CADM2: variants seen among roughly 807,000 people sequenced by gnomAD.
CADM2 encodes cell adhesion molecule 2.
In CADM2, 12 loss-of-function variants were observed where a neutral mutation model predicts 49.8. The ratio of observed to expected loss-of-function variants is 0.24; its 90% CI spans 0.15 to 0.39. The LOEUF is 0.39. CADM2 is among the 10% of genes least tolerant of loss of function. CADM2 has a pLI of 1.00. For missense variants in CADM2, 378 were observed against 492.3 expected (o/e 0.77, Z 2.20); for synonymous variants, 214 against 175.4 (o/e 1.22, Z -1.74).
chr3:85,533,253 CTTT>C (rs2061356982), intron 1 of CADM2, among the ~76,000 whole-genome samples: 1 of 152,068 alleles, frequency 6.6e-6, no homozygotes, highest in African/African-American at 2.4e-5. Context: ...ATGTAATTTC[CTTT>C]ATAAGCAAAT....
rs138341460 is a variant in CADM2 at position 85,346,169 on chromosome 3, G to A, written c.62-380353G>A. Among the ~76,000 whole-genome samples, 1,100 of 152,284 alleles carry A rather than the reference G, an allele frequency of 7.2e-3. 20 individuals carry two copies. Among genetic ancestry groups the A allele is most frequent in the Non-Finnish European group, 5.1e-3 (346 of 68,008 alleles). ...AACCGAACTTGTGTTGAAAGGAAAT[G>A]CAGCTATAATTTAAATCAACACTTA... On this transcript the variant is annotated intron_variant, in intron 1 of 9. Coordinates refer to ENST00000383699, the MANE Select transcript of CADM2 (RefSeq NM_001167675.2).
At chr3:85,442,095 G>A (rs1396639454) in intron 1 of CADM2, among the ~76,000 whole-genome samples, 1 of 151,970 alleles carries the variant, frequency 6.6e-6, no homozygotes, top group East Asian at 1.9e-4. Flanking sequence ...CCATTATTCA[G>A]ATTTTGTCCA....
intron 8 of CADM2, among the ~76,000 whole-genome samples, chr3:86,010,685 A>T (rs1731389649): frequency 6.6e-6 from 1 of 151,390 alleles, no homozygotes; most frequent in African/African-American, 2.4e-5. Context: ...GAAAAATTTA[A>T]AAATAAATAG....
intron 1 of CADM2, among the ~76,000 whole-genome samples, chr3:85,568,030 TCTTA>T (rs968824485): frequency 8.5e-5 from 13 of 152,324 alleles, no homozygotes; most frequent in African/African-American, 3.1e-4. Context: ...GAAGGATCTT[TCTTA>T]CTAAGTCCAC....
At chr3:86,027,130 G>C (rs536375734) in intron 8 of CADM2, among the ~76,000 whole-genome samples, 1 of 152,084 alleles carries the variant, frequency 6.6e-6, no homozygotes. Flanking sequence ...TTATTTTTAA[G>C]TTTGCTATTT....
intron 1 of CADM2, among the ~76,000 whole-genome samples, chr3:85,159,684 G>A (rs1014614050): frequency 6.6e-6 from 1 of 152,266 alleles, no homozygotes; most frequent in South Asian, 2.1e-4. Context: ...AATGATTAAC[G>A]CTGAGTGTGC....
chr3:85,512,181 C>A (rs532382863), intron 1 of CADM2, among the ~76,000 whole-genome samples: 2 of 152,074 alleles, frequency 1.3e-5, no homozygotes, highest in African/African-American at 4.8e-5. Flanking sequence ...CTGGTAGTCC[C>A]CCATTGTCTG....
Position 85,393,796 on chromosome 3 carries a change from C to T in CADM2, c.62-332726C>T, listed in dbSNP as rs186363464. On this transcript the variant is annotated intron_variant, in intron 1 of 9. Coordinates refer to ENST00000383699, the MANE Select transcript of CADM2 (RefSeq NM_001167675.2). ...CGACATATTTGCTCTTATTTATTAT[C>T]AAAATATATTATTGTTTTTAAAACT... Among the ~76,000 whole-genome samples the T allele has an allele frequency of 2.6e-3, 400 of 151,994 alleles. 4 individuals carry two copies. The highest frequency in any genetic ancestry group is 9.4e-3 in the African/African-American group (388 of 41,454).
At chr3:85,081,515 C>A (rs775796234) in intron 1 of CADM2, among the ~76,000 whole-genome samples, 1 of 152,164 alleles carries the variant, frequency 6.6e-6, no homozygotes, top group Admixed American at 6.6e-5. Flanking sequence ...AAATAATACA[C>A]GACTTTTTCT....
chr3:85,520,988 A>G (rs916827850), intron 1 of CADM2, among the ~76,000 whole-genome samples: 18 of 152,248 alleles, frequency 1.2e-4, no homozygotes, highest in Non-Finnish European at 1.9e-4. Context: ...GTGGTACAAC[A>G]TAACTTACCT....
intron 3 of CADM2, among the ~76,000 whole-genome samples, chr3:85,847,091 T>TA (rs2074915312): frequency 6.6e-6 from 1 of 152,166 alleles, no homozygotes; most frequent in South Asian, 2.1e-4. Context: ...ACTACTGATG[T>TA]AATTTAGGGC....
At chr3:85,322,394 T>G (rs998247692) in intron 1 of CADM2, among the ~76,000 whole-genome samples, 2 of 152,162 alleles carry the variant, frequency 1.3e-5, no homozygotes, top group African/African-American at 4.8e-5. Flanking sequence ...CTTGAACACA[T>G]GTCTCATGCA....
At chr3:85,474,195 G>C (rs2038885858) in intron 1 of CADM2, among the ~76,000 whole-genome samples, 1 of 151,540 alleles carries the variant, frequency 6.6e-6, no homozygotes, top group African/African-American at 2.4e-5. Context: ...TGTGTGTAGT[G>C]AGGGATTTAT....
chr3:85,278,709 C>T (rs2043419041), intron 1 of CADM2, among the ~76,000 whole-genome samples: 1 of 127,954 alleles, frequency 7.8e-6, no homozygotes, highest in Non-Finnish European at 1.6e-5. Flanking sequence ...GTTCTCACTG[C>T]TGATGTTCTT....
In CADM2 at chr3:85,753,352, A is replaced by G. The variant is rs1390223801; in HGVS notation, c.88+26804A>G. Among the ~76,000 whole-genome samples, 4 of 152,132 alleles carry G rather than the reference A, an allele frequency of 2.6e-5. No homozygotes were observed. The East Asian group carries it at 5.8e-4, about 22-fold the overall frequency. ...GAAAGAAAGGTAAAAGAAAATAAGT[A>G]TCAGAAAATGATGTGGAGAGAGTGT... On this transcript the variant is annotated intron_variant, in intron 2 of 9. Transcript: ENST00000383699.
In CADM2 at chr3:86,037,054, C is replaced by A. The variant is rs118080073; in HGVS notation, c.971-28551C>A. The stretch of plus-strand genomic sequence containing the variant: ...TTTATCTTCTAATTTTTAACCAGGA[C>A]AAGTCTAACTTATCTATTTTATGTT... On this transcript the variant is annotated intron_variant, in intron 8 of 9. Coordinates refer to ENST00000383699, the MANE Select transcript of CADM2 (RefSeq NM_001167675.2). 3.1e-4 allele frequency among the ~76,000 whole-genome samples: 47 copies of A among 152,244 alleles called. 1 individual carries two copies. In the East Asian group the frequency reaches 8.3e-3, roughly 27 times the overall value.
chr3:85,172,232 T>C (rs945523036), intron 1 of CADM2, among the ~76,000 whole-genome samples: 1 of 152,170 alleles, frequency 6.6e-6, no homozygotes, highest in Non-Finnish European at 1.5e-5. Flanking sequence ...AACCACCTGA[T>C]ACTGCCCAGC....
chr3:85,133,412 C>G (rs565779896), intron 1 of CADM2, among the ~76,000 whole-genome samples: 1 of 152,286 alleles, frequency 6.6e-6, no homozygotes, highest in Admixed American at 6.5e-5. Context: ...ACTAGATTAA[C>G]TAGTTACAGA....
chr3:85,417,699 A>G (rs1428947595), intron 1 of CADM2, among the ~76,000 whole-genome samples: 1 of 152,166 alleles, frequency 6.6e-6, no homozygotes, highest in Non-Finnish European at 1.5e-5. Flanking sequence ...TTAAGGGTAT[A>G]AAGGTCTTAT....
Sources: allele counts gnomAD v4.1 joint callset (sites outside exome capture counted in the v4.1 genomes callset), GRCh38; gene constraint gnomAD v4.1.1; transcripts MANE v1.5; gene names NCBI Gene and HGNC (gene_info 2026-07-23, HGNC 2026-07-21).